The following ZBTB20 variants were observed in gnomAD, a reference collection of about 807,000 sequenced individuals.
ZBTB20 encodes the protein zinc finger and BTB domain-containing protein 20.
In ZBTB20, 9 loss-of-function variants were observed where a neutral mutation model predicts 56.9. The observed-to-expected ratio is 0.16, with a 90% CI of 0.10 to 0.28. The LOEUF (loss-of-function observed/expected upper bound fraction) is 0.28. ZBTB20 is among the 10% of genes least tolerant of loss of function. ZBTB20 has a pLI of 1.00. For synonymous variants in ZBTB20, 417 were observed against 420.7 expected (o/e 0.99, Z 0.11); for missense variants, 655 against 1,003.0 (o/e 0.65, Z 4.69).
chr3:114,695,006 C>T (rs2062918486), intron 5 of ZBTB20, among the ~76,000 whole-genome samples: 1 of 152,030 alleles, frequency 6.6e-6, no homozygotes, highest in Admixed American at 6.6e-5. Flanking sequence ...CAGGGTTGGC[C>T]ATAGCAGGTC....
chr3:115,119,597 A>C (rs558864501), intron 1 of ZBTB20, among the ~76,000 whole-genome samples: 1 of 152,208 alleles, frequency 6.6e-6, no homozygotes, highest in Non-Finnish European at 1.5e-5. Context: ...CCTACAGTAC[A>C]AACACTTAGT....
intron 6 of ZBTB20, among the ~76,000 whole-genome samples, chr3:114,568,673 A>G (rs763161350): frequency 5.3e-5 from 8 of 152,214 alleles, no homozygotes; most frequent in African/African-American, 9.6e-5. Flanking sequence ...CATGGATGTT[A>G]TCAATACTTG....
intron 6 of ZBTB20, among the ~76,000 whole-genome samples, chr3:114,564,341 A>G (rs2052462085): frequency 1.3e-5 from 2 of 151,904 alleles, no homozygotes; most frequent in Admixed American, 1.3e-4. Context: ...GGATGTGAAC[A>G]TCTTCGGTGG....
At chr3:114,427,146 T>TA (rs2089743937) in intron 7 of ZBTB20, among the ~76,000 whole-genome samples, 1 of 152,228 alleles carries the variant, frequency 6.6e-6, no homozygotes, top group Non-Finnish European at 1.5e-5. Context: ...AAATATTCCA[T>TA]AGCAGCATCT....
intron 6 of ZBTB20, among the ~76,000 whole-genome samples, chr3:114,623,810 C>A (rs953211043): frequency 1.3e-5 from 2 of 151,762 alleles, no homozygotes; most frequent in African/African-American, 4.8e-5. Context: ...CCCCCACTCA[C>A]CTATCTTCCT....
chr3:114,752,940 A>C (rs989015479), intron 5 of ZBTB20, among the ~76,000 whole-genome samples: 1 of 152,164 alleles, frequency 6.6e-6, no homozygotes, highest in African/African-American at 2.4e-5. Context: ...CACCAGAACA[A>C]GCACAAAAGA....
intron 1 of ZBTB20, among the ~76,000 whole-genome samples, chr3:115,139,141 G>A (rs1048272819): frequency 2.0e-5 from 3 of 152,000 alleles, no homozygotes; most frequent in African/African-American, 7.2e-5. Flanking sequence ...TGGCTACGAG[G>A]TGATTTATAA....
chr3:114,546,799 G>A (rs1167522855), intron 6 of ZBTB20, among the ~76,000 whole-genome samples: 1 of 152,108 alleles, frequency 6.6e-6, no homozygotes, highest in Non-Finnish European at 1.5e-5. Context: ...CAACACAAAA[G>A]TGTGTACACA....
chr3:114,458,680 T>A (rs2092169578), intron 7 of ZBTB20, among the ~76,000 whole-genome samples: 1 of 151,924 alleles, frequency 6.6e-6, no homozygotes, highest in South Asian at 2.1e-4. Flanking sequence ...AACGTACGGG[T>A]TTTCAGTGAA....
intron 4 of ZBTB20, among the ~76,000 whole-genome samples, chr3:114,812,028 A>G (rs897060398): frequency 3.9e-5 from 6 of 152,206 alleles, no homozygotes; most frequent in Non-Finnish European, 1.5e-5. Context: ...TCGCTGGCTC[A>G]GGAGTGAAGC....
In ZBTB20 at chr3:114,324,473, C is replaced by G. The variant is rs557386165; in HGVS notation, c.*14532G>C. ...CACTTTTCTACATTGATCACTTTTT[C>G]CCTCACCTCATTAGTCTCCTATTCT... On this transcript the variant is annotated 3_prime_UTR_variant, in exon 12 of 12. Transcript: ENST00000675478. 1 of 151,880 alleles carries G rather than the reference C, an allele frequency of 6.6e-6. No individual in the cohort carries two copies. Among genetic ancestry groups the G allele is most frequent in the Non-Finnish European group, 1.5e-5 (1 of 67,968 alleles). The allele number at this position is 151,880 out of a possible 1,614,324, so 9.4% of individuals were successfully genotyped here. A position where few individuals can be genotyped will look rare whatever the true frequency, so the allele number is the denominator to read the frequency against.
chr3:114,595,670 A>G (rs745779882), intron 6 of ZBTB20, among the ~76,000 whole-genome samples: 1 of 152,190 alleles, frequency 6.6e-6, no homozygotes, highest in African/African-American at 2.4e-5. Context: ...GAGCATGACT[A>G]AAAACTGGGC....
intron 5 of ZBTB20, among the ~76,000 whole-genome samples, chr3:114,696,128 A>G (rs750181916): frequency 1.7e-4 from 26 of 152,244 alleles, no homozygotes; most frequent in Non-Finnish European, 2.8e-4. Flanking sequence ...TTGTTAAAAC[A>G]GAGAACCTCA....
At chr3:114,381,948 G>C (rs1044055927) in intron 8 of ZBTB20, among the ~76,000 whole-genome samples, 6 of 152,170 alleles carry the variant, frequency 3.9e-5, no homozygotes, top group African/African-American at 2.4e-5. Context: ...GACTATGGGA[G>C]TAACCCCCAA....
At chr3:114,991,090 T>C (rs1182721235) in intron 2 of ZBTB20, among the ~76,000 whole-genome samples, 2 of 152,180 alleles carry the variant, frequency 1.3e-5, no homozygotes, top group Non-Finnish European at 2.9e-5. Flanking sequence ...AAGGGTTTTT[T>C]GTGTCTCTAT....
At chr3:114,735,458 A>G in intron 5 of ZBTB20, among the ~76,000 whole-genome samples, 1 of 152,118 alleles carries the variant, frequency 6.6e-6, no homozygotes, top group East Asian at 1.9e-4. Context: ...CATTGGGCCC[A>G]AACTAGATTT....
chr3:114,622,196 T>C (rs1182805289), intron 6 of ZBTB20, among the ~76,000 whole-genome samples: 1 of 152,116 alleles, frequency 6.6e-6, no homozygotes, highest in Non-Finnish European at 1.5e-5. Flanking sequence ...TCTGGGCAGT[T>C]TGAATATTAA....
chr3:114,509,130 C>T (rs899133088), intron 6 of ZBTB20, among the ~76,000 whole-genome samples: 9 of 152,126 alleles, frequency 5.9e-5, no homozygotes, highest in African/African-American at 2.2e-4. Flanking sequence ...GCAAAACTTA[C>T]TTTCTGCTTC....
intron 8 of ZBTB20, among the ~76,000 whole-genome samples, chr3:114,384,152 T>TTC (rs138940884): frequency 1.7e-4 from 25 of 144,964 alleles, no homozygotes; most frequent in Admixed American, 2.7e-4. Context: ...CTCTCTCATT[T>TTC]TCTCTCTCTC....
Sources: gnomAD v4.1 joint callset for allele counts (sites outside exome capture counted in the v4.1 genomes callset) on GRCh38, gnomAD v4.1.1 for gene constraint, MANE v1.5 for transcripts, NCBI Gene and HGNC (gene_info 2026-07-23, HGNC 2026-07-21) for gene names.